Variants in KIT observed in about 807,000 individuals in gnomAD.
The protein encoded by KIT is KIT proto-oncogene, receptor tyrosine kinase, also known as mast/stem cell growth factor receptor Kit.
KIT carries 16 observed loss-of-function variants against 105.7 expected under a neutral mutation model. The ratio of observed to expected loss-of-function variants is 0.15; its 90% CI spans 0.10 to 0.23. KIT has a LOEUF of 0.23. KIT is among the 10% of genes least tolerant of loss of function. The pLI is 1.00. For missense variants in KIT, 858 were observed against 1,213.8 expected (o/e 0.71, Z 4.36); for synonymous variants, 438 against 441.1 (o/e 0.99, Z 0.09).
At position 54,717,188 on chromosome 4, in the gene KIT, G is replaced by GA. The variant is rs1049905846; in HGVS notation, c.1232-6387dup. ...AGAATTGTTATAGATGTTTAAATTG[G>GA]AAAAAAAAAGATATAATGGCAACCT... On this transcript the variant is annotated intron_variant, in intron 7 of 20. Coordinates refer to ENST00000288135, the MANE Select transcript of KIT (RefSeq NM_000222.3). Among the ~76,000 whole-genome samples, 146 of 150,750 alleles carry GA rather than the reference G, an allele frequency of 9.7e-4. No homozygotes were observed. The South Asian group carries it at 0.021, about 21-fold the overall frequency.
intron 5 of KIT, among the ~76,000 whole-genome samples, chr4:54,706,282 T>G (rs1720783954): frequency 6.6e-6 from 1 of 152,170 alleles, no homozygotes; most frequent in South Asian, 2.1e-4. Context: ...CAATTTACAG[T>G]GTGTAATTCA....
chr4:54,705,792 G>C (rs6835926), intron 5 of KIT, among the ~76,000 whole-genome samples: 4,219 of 152,222 alleles, frequency 0.028, 190 homozygotes, highest in African/African-American at 0.097. Flanking sequence ...TGAGGCAGGA[G>C]GATTGCTTGA....
chr4:54,698,289 G>A lies in KIT; in HGVS notation c.343G>A (p.Ala115Thr), dbSNP rs1560395513. 6.2e-7 allele frequency: 1 copy of A among 1,613,636 alleles called. No homozygotes were observed. Among genetic ancestry groups the A allele is most frequent in the Non-Finnish European group, 8.5e-7 (1 of 1,179,794 alleles). ...TTTTGGATATGCTTCTATAGATCCT[G>A]CCAAGCTTTTCCTTGTTGACCGCTC... ...NSIYVFVRDP[A>T]KLFLVDRSLY... Residue 115 changes from alanine to threonine, a missense_variant, in exon 3 of 21, where the codon GCC becomes ACC. Physicochemically the swap from Ala to Thr is moderately conservative, Grantham distance 58. Transcript: ENST00000288135.
At chr4:54,701,359 A>G (rs1720440922) in intron 4 of KIT, among the ~76,000 whole-genome samples, 1 of 152,238 alleles carries the variant, frequency 6.6e-6, no homozygotes, top group African/African-American at 2.4e-5. Flanking sequence ...TTAGAATACT[A>G]TTAGCACTAT....
intron 7 of KIT, among the ~76,000 whole-genome samples, chr4:54,713,884 C>T (rs909976755): frequency 6.6e-6 from 1 of 152,104 alleles, no homozygotes; most frequent in African/African-American, 2.4e-5. Flanking sequence ...TCTAATCAAG[C>T]CATGATTTAC....
At chr4:54,718,130 T>G (rs905059644) in intron 7 of KIT, among the ~76,000 whole-genome samples, 2 of 152,228 alleles carry the variant, frequency 1.3e-5, no homozygotes, top group Non-Finnish European at 2.9e-5. Flanking sequence ...AGACAGAGTC[T>G]TGTTCCGTCG....
chr4:54,707,540 C>T (rs1251900298), intron 6 of KIT, among the ~76,000 whole-genome samples: 1 of 152,172 alleles, frequency 6.6e-6, no homozygotes, highest in Non-Finnish European at 1.5e-5. Context: ...GGACAGTTTT[C>T]TAGAGATCTG....
chr4:54,704,347 G>T (rs991019122), intron 5 of KIT, among the ~76,000 whole-genome samples: 1 of 152,150 alleles, frequency 6.6e-6, no homozygotes, highest in African/African-American at 2.4e-5. Flanking sequence ...TTCTAGTAAG[G>T]ACTGAATTGG....
chr4:54,711,071 G>C (rs998917326), intron 7 of KIT, among the ~76,000 whole-genome samples: 8 of 152,086 alleles, frequency 5.3e-5, no homozygotes, highest in Non-Finnish European at 1.0e-4. Context: ...TTAGAGATGG[G>C]GGTCTTGCTT....
Position 54,737,190 on chromosome 4 carries a change from G to A in KIT, c.2712G>A (p.Lys904=). 6.2e-7 allele frequency: 1 copy of A among 1,612,448 alleles called. No homozygotes were observed. The highest frequency in any genetic ancestry group is 8.5e-7 in the Non-Finnish European group (1 of 1,178,498). ...HAPAEMYDIM[K]TCWDADPLKR... Reference sequence around the variant, plus strand: ...TGTCTTGCAGGTATGACATAATGAAGACTTGCTGGGATGCAGATCCCCTAA... The same window carrying A: ...TGTCTTGCAGGTATGACATAATGAAAACTTGCTGGGATGCAGATCCCCTAA... Residue 904 remains lysine (K), a synonymous_variant, in exon 20 of 21, where the codon AAG becomes AAA. Coordinates refer to ENST00000288135, the MANE Select transcript of KIT (RefSeq NM_000222.3).
chr4:54,693,757 G>A (rs2109653781), intron 1 of KIT, among the ~76,000 whole-genome samples: 1 of 152,278 alleles, frequency 6.6e-6, no homozygotes, highest in East Asian at 1.9e-4. Context: ...AGAGGTGACT[G>A]GGGGCCCCAG....
chr4:54,709,667 A>G, intron 7 of KIT, 128 bp downstream of exon 7: 1 of 720,764 alleles, frequency 1.4e-6, no homozygotes, highest in Non-Finnish European at 2.5e-6. Context: ...TGACCTTCAC[A>G]GAGACTTCGT....
At chr4:54,734,343 G>GT (rs1722789143) in intron 17 of KIT, among the ~76,000 whole-genome samples, 1 of 152,126 alleles carries the variant, frequency 6.6e-6, no homozygotes, top group African/African-American at 2.4e-5. Flanking sequence ...CTGAATCTTT[G>GT]TTTTTCTCCC....
In KIT at chr4:54,658,098, G is replaced by A; in HGVS notation, c.67+17G>A. On this transcript the variant is annotated intron_variant, in intron 1 of 20. Coordinates refer to ENST00000288135, the MANE Select transcript of KIT (RefSeq NM_000222.3). ...TCCAGACAGGTGGGACACCGCGGCT[G>A]GCACCCCGACCGTGCGACTACTCGG... The A allele has an allele frequency of 6.2e-7, 1 of 1,613,278 alleles. No homozygotes were observed. The highest frequency in any genetic ancestry group is 8.5e-7 in the Non-Finnish European group (1 of 1,179,468).
At chr4:54,719,206 G>T (rs994146939) in intron 7 of KIT, among the ~76,000 whole-genome samples, 2 of 152,164 alleles carry the variant, frequency 1.3e-5, no homozygotes, top group Non-Finnish European at 2.9e-5. Flanking sequence ...GGTTAAAGTG[G>T]CTGGGTGAGA....
intron 1 of KIT, among the ~76,000 whole-genome samples, chr4:54,664,066 T>C (rs1717499876): frequency 6.6e-6 from 1 of 152,140 alleles, no homozygotes; most frequent in African/African-American, 2.4e-5. Context: ...GAGATGAGCT[T>C]AAATCTTGAT....
chr4:54,708,298 A>G (rs1419859151), intron 6 of KIT, among the ~76,000 whole-genome samples: 1 of 152,118 alleles, frequency 6.6e-6, no homozygotes, highest in Non-Finnish European at 1.5e-5. Context: ...CTTTTGCCAA[A>G]CGCCCTAGAA....
chr4:54,708,184 G>C (rs896526515), intron 6 of KIT, among the ~76,000 whole-genome samples: 1 of 152,156 alleles, frequency 6.6e-6, no homozygotes, highest in Non-Finnish European at 1.5e-5. Flanking sequence ...CAGGAGGACG[G>C]GGAGGGACAA....
intron 7 of KIT, among the ~76,000 whole-genome samples, chr4:54,722,355 C>T (rs1721931927): frequency 6.6e-6 from 1 of 152,120 alleles, no homozygotes; most frequent in Non-Finnish European, 1.5e-5. Flanking sequence ...TGTGCCATCT[C>T]ATTTAATTGT....
Sources: allele counts gnomAD v4.1 joint callset (sites outside exome capture counted in the v4.1 genomes callset), GRCh38; gene constraint gnomAD v4.1.1; transcripts MANE v1.5; gene names NCBI Gene and HGNC (gene_info 2026-07-23, HGNC 2026-07-21).